PCDHA13: variants seen among roughly 807,000 people sequenced by gnomAD.
PCDHA13 encodes protocadherin alpha 13.
PCDHA13 carries 54 observed loss-of-function variants against 64.8 expected under a neutral mutation model. That is an observed-to-expected ratio of 0.83 (90% CI 0.67 to 1.04). The LOEUF (loss-of-function observed/expected upper bound fraction) is 1.04. PCDHA13 is among the 50% of genes least tolerant of loss of function. PCDHA13 has a pLI of 0.00. For synonymous variants in PCDHA13, 587 were observed against 564.4 expected, an observed-to-expected ratio of 1.04 and a Z score of -0.57; for missense variants, 1,248 against 1,254.3, an observed-to-expected ratio of 0.99 and a Z score of 0.08.
chr5:140,897,790 T>C (rs1219376194), intron 1 of PCDHA13, among the ~76,000 whole-genome samples: 378 of 152,274 alleles, frequency 2.5e-3, no homozygotes, highest in African/African-American at 8.4e-3. Flanking sequence ...GTTGAACTAG[T>C]TTAGAGTCCC....
Position 140,884,155 on chromosome 5 carries a change from C to T in PCDHA13, c.1887C>T (p.Gly629=), listed in dbSNP as rs781815602. Residue 629 remains glycine, a synonymous_variant, in exon 1 of 4, where the codon GGC becomes GGT. Coordinates refer to ENST00000289272, the MANE Select transcript of PCDHA13 (RefSeq NM_018904.3). The part of the protein sequence containing the change: ...RIPFRVGLYT[G]EISTTRPLDE... ...CGTTCCGCGTGGGGCTGTACACTGG[C>T]GAGATCAGCACGACGCGCCCTCTGG... 6.2e-7 allele frequency: 1 copy of T among 1,613,430 alleles called. No individual in the cohort carries two copies. The highest frequency in any genetic ancestry group is 8.5e-7 in the Non-Finnish European group (1 of 1,179,750).
chr5:140,903,524 A>T (rs2070355065), intron 1 of PCDHA13, among the ~76,000 whole-genome samples: 1 of 152,156 alleles, frequency 6.6e-6, no homozygotes, highest in Non-Finnish European at 1.5e-5. Flanking sequence ...TGTGTTGTTC[A>T]CTTTAAACTA....
chr5:140,916,706 G>A (rs1179319029), intron 1 of PCDHA13, among the ~76,000 whole-genome samples: 1 of 152,200 alleles, frequency 6.6e-6, no homozygotes, highest in Admixed American at 6.5e-5. Flanking sequence ...TCCTTAAGCA[G>A]AAGGAAGGAG....
chr5:140,884,469 C>A lies in PCDHA13; in HGVS notation c.2201C>A (p.Pro734Gln). Reference sequence around the variant, plus strand: ...CCGCCCACCGAGGGCGCGTGCGCGCCGGGCAAGCCCACTCTAGTGTGCTCC... The same window carrying A: ...CCGCCCACCGAGGGCGCGTGCGCGCAGGGCAAGCCCACTCTAGTGTGCTCC... ...SAPPTEGACA[P>Q]GKPTLVCSSA... Residue 734 changes from proline to glutamine, a missense_variant, in exon 1 of 4, where the codon CCG becomes CAG. Transcript: ENST00000289272. The A allele has an allele frequency of 6.2e-7, 1 of 1,613,766 alleles. No individual in the cohort carries two copies. The highest frequency in any genetic ancestry group is 8.5e-7 in the Non-Finnish European group (1 of 1,179,820).
intron 1 of PCDHA13, among the ~76,000 whole-genome samples, chr5:140,896,714 T>C (rs1554187081): frequency 6.6e-6 from 1 of 152,180 alleles, no homozygotes; most frequent in African/African-American, 2.4e-5. Flanking sequence ...TGTTTTTTGC[T>C]TGTTAATTTG....
At chr5:140,894,044 T>C (rs2064295340) in intron 1 of PCDHA13, among the ~76,000 whole-genome samples, 1 of 152,190 alleles carries the variant, frequency 6.6e-6, no homozygotes, top group Admixed American at 6.5e-5. Context: ...ATGTAAGTCC[T>C]CTGTTGAATT....
intron 1 of PCDHA13, among the ~76,000 whole-genome samples, chr5:140,907,880 A>G (rs2073662183): frequency 6.6e-6 from 1 of 152,236 alleles, no homozygotes; most frequent in Non-Finnish European, 1.5e-5. Flanking sequence ...GAGCACTCAC[A>G]TGGGATACAA....
intron 1 of PCDHA13, among the ~76,000 whole-genome samples, chr5:140,902,200 TTTC>T (rs1318376699): frequency 6.9e-6 from 1 of 144,634 alleles, no homozygotes; most frequent in African/African-American, 2.7e-5. Flanking sequence ...TCTCTCTCTC[TTTC>T]TTTTTTTTTT....
intron 1 of PCDHA13, chr5:140,968,943 T>G (rs1429261485): frequency 1.2e-6 from 2 of 1,614,128 alleles, no homozygotes; most frequent in Non-Finnish European, 1.7e-6. Context: ...ATCATCATTT[T>G]GAGCATCATC....
At chr5:140,975,363 G>T (rs1348174294) in intron 1 of PCDHA13, among the ~76,000 whole-genome samples, 3 of 152,220 alleles carry the variant, frequency 2.0e-5, no homozygotes, top group Non-Finnish European at 2.9e-5. Context: ...GTGCTACATA[G>T]CATAATGTAA....
In PCDHA13 at chr5:140,929,209, G is replaced by A. The variant is rs553616030; in HGVS notation, c.2394+44547G>A. Reference sequence around the variant, plus strand: ...TGATAATAACAGTTTGCTGTTGCGTGGGGAGTACAATGCTGCCGACCTGCG... The same window carrying A: ...TGATAATAACAGTTTGCTGTTGCGTAGGGAGTACAATGCTGCCGACCTGCG... On this transcript the variant is annotated intron_variant, in intron 1 of 3. Transcript: ENST00000289272. 71 of 1,614,054 alleles carry A rather than the reference G, an allele frequency of 4.4e-5. 2 individuals carry two copies. The South Asian group carries it at 7.1e-4, about 16-fold the overall frequency.
chr5:140,919,694 ATTAAC>A (rs1313954013), intron 1 of PCDHA13, among the ~76,000 whole-genome samples: 5 of 152,200 alleles, frequency 3.3e-5, no homozygotes, highest in Non-Finnish European at 7.3e-5. Context: ...TCAGATTTAT[ATTAAC>A]TTAATTCTAG....
intron 1 of PCDHA13, chr5:140,927,190 G>A (rs1554204161): frequency 6.2e-7 from 1 of 1,614,156 alleles, no homozygotes; most frequent in South Asian, 1.1e-5. Context: ...CTACGACCTG[G>A]TGCTCGAGGA....
At chr5:140,896,398 A>T (rs1322743669) in intron 1 of PCDHA13, among the ~76,000 whole-genome samples, 3 of 151,946 alleles carry the variant, frequency 2.0e-5, no homozygotes, top group African/African-American at 7.3e-5. Context: ...AGCATCTGTT[A>T]TTTTTGACTT....
chr5:140,980,229 T>C (rs2096881022), intron 2 of PCDHA13, among the ~76,000 whole-genome samples: 1 of 152,232 alleles, frequency 6.6e-6, no homozygotes, highest in South Asian at 2.1e-4. Flanking sequence ...TCTGAGCTGT[T>C]GGTGGAGACA....
At chr5:140,941,023 T>C (rs2153648150) in intron 1 of PCDHA13, among the ~76,000 whole-genome samples, 1 of 152,338 alleles carries the variant, frequency 6.6e-6, no homozygotes, top group African/African-American at 2.4e-5. Flanking sequence ...ATTTTCCTTC[T>C]GGCCTTTTTG....
chr5:140,981,944 G>A (rs893119825), intron 2 of PCDHA13, among the ~76,000 whole-genome samples: 2 of 152,174 alleles, frequency 1.3e-5, no homozygotes, highest in Non-Finnish European at 2.9e-5. Flanking sequence ...GAAATATAGG[G>A]TGGGTCATCT....
At chr5:140,968,852 A>G (rs1554231175) in intron 1 of PCDHA13, 1 of 1,614,196 alleles carries the variant, frequency 6.2e-7, no homozygotes, top group Non-Finnish European at 8.5e-7. Flanking sequence ...GAGGCATGTT[A>G]AGAGCCCTCG....
chr5:140,919,080 T>C (rs1208413625), intron 1 of PCDHA13, among the ~76,000 whole-genome samples: 1 of 152,260 alleles, frequency 6.6e-6, no homozygotes, highest in Non-Finnish European at 1.5e-5. Flanking sequence ...GTTATGACTA[T>C]TGAATTGTCT....
Sources: allele counts gnomAD v4.1 joint callset (sites outside exome capture counted in the v4.1 genomes callset), GRCh38; gene constraint gnomAD v4.1.1; transcripts MANE v1.5; gene names NCBI Gene and HGNC (gene_info 2026-07-23, HGNC 2026-07-21).